Variants in SCMH1 observed in about 807,000 individuals in gnomAD.
SCMH1 encodes the protein Scm polycomb group protein homolog 1, also known as polycomb protein SCMH1.
A neutral mutation model predicts 70.8 loss-of-function variants in SCMH1; 37 were observed. The observed-to-expected ratio is 0.52, with a 90% CI of 0.40 to 0.69. The LOEUF (loss-of-function observed/expected upper bound fraction) is 0.69, where lower values mean the gene tolerates loss of function less well. SCMH1 is among the 30% of genes least tolerant of loss of function. SCMH1 has a pLI of 0.00. For missense variants in SCMH1, 607 were observed against 827.3 expected, an observed-to-expected ratio of 0.73 and a Z score of 3.27; for synonymous variants, 292 against 307.4, an observed-to-expected ratio of 0.95 and a Z score of 0.52.
intron 12 of SCMH1, 38 bp from the exon 13 acceptor site, chr1:41,037,579 A>G (rs752438428): frequency 6.3e-7 from 1 of 1,586,292 alleles, no homozygotes; most frequent in Non-Finnish European, 8.6e-7. Context: ...GCTTAGAAGG[A>G]CTGCCAGAGT....
intron 4 of SCMH1, among the ~76,000 whole-genome samples, chr1:41,157,627 G>T (rs147304398): frequency 6.6e-6 from 1 of 152,282 alleles, no homozygotes; most frequent in Admixed American, 6.5e-5. Context: ...TCTGGATTTG[G>T]GAGGCTTCAC....
chr1:41,038,819 G>A (rs2148596325), intron 12 of SCMH1, among the ~76,000 whole-genome samples: 3 of 152,264 alleles, frequency 2.0e-5, no homozygotes, highest in Admixed American at 2.0e-4. Context: ...TTTGAGACAT[G>A]AATGGGAATC....
intron 8 of SCMH1, 128 bp from the exon 9 acceptor site, chr1:41,075,579 G>T: frequency 1.4e-6 from 1 of 692,150 alleles, no homozygotes; most frequent in Non-Finnish European, 2.4e-6. Flanking sequence ...CCTGGCATTT[G>T]ACCTAAATGT....
At chr1:41,156,915 C>T (rs575472205) in intron 4 of SCMH1, among the ~76,000 whole-genome samples, 8 of 151,370 alleles carry the variant, frequency 5.3e-5, no homozygotes, top group African/African-American at 1.5e-4. Context: ...CTTCCTGCCT[C>T]GGACTCCCAA....
chr1:41,209,647 C>A (rs1428887305), intron 1 of SCMH1, among the ~76,000 whole-genome samples: 1 of 152,202 alleles, frequency 6.6e-6, no homozygotes, highest in Non-Finnish European at 1.5e-5. Context: ...GCAGAAAAGG[C>A]CTTTGACAAA....
Position 41,213,893 on chromosome 1 carries a change from T to A in SCMH1, c.-117-27643A>T, listed in dbSNP as rs558769097. Among the ~76,000 whole-genome samples the A allele has an allele frequency of 3.7e-3, 558 of 151,722 alleles. 3 individuals carry two copies. Among genetic ancestry groups the A allele is most frequent in the African/African-American group, 9.4e-3 (388 of 41,360 alleles). The stretch of plus-strand genomic sequence containing the variant: ...CCCTATAATTGCTTACATTTTTTTT[T>A]AAAAAAAACCTTTAAATTATTTCAG... On this transcript the variant is annotated intron_variant, in intron 1 of 14. Transcript: ENST00000337495.
chr1:41,087,889 T>C (rs6662279), intron 8 of SCMH1, among the ~76,000 whole-genome samples: 97,852 of 150,832 alleles, frequency 0.65, 33,279 homozygotes, highest in African/African-American at 0.86. Flanking sequence ...TTACATATTA[T>C]TGTACAATAT....
intron 2 of SCMH1, among the ~76,000 whole-genome samples, chr1:41,185,100 T>C (rs762715926): frequency 1.3e-5 from 2 of 152,220 alleles, no homozygotes; most frequent in Non-Finnish European, 2.9e-5. Flanking sequence ...AAATTCCATT[T>C]CCAACTTACT....
At position 41,127,908 on chromosome 1, in the gene SCMH1, T is replaced by A. The variant is rs541649858; in HGVS notation, c.413-10898A>T. Among the ~76,000 whole-genome samples, 10 of 152,214 alleles carry A rather than the reference T, an allele frequency of 6.6e-5. No homozygotes were observed. In the East Asian group the frequency reaches 1.9e-3, roughly 29 times the overall value. ...AAATCAACCCCTGCCAGAACCTTGA[T>A]CTTGGACTTTCCAGTCTTTAGAACT... On this transcript the variant is annotated intron_variant, in intron 6 of 14. Coordinates refer to ENST00000337495, the Ensembl canonical transcript of SCMH1.
intron 13 of SCMH1, among the ~76,000 whole-genome samples, chr1:41,031,353 T>TA (rs1451962391): frequency 7.2e-5 from 11 of 152,110 alleles, no homozygotes; most frequent in East Asian, 5.8e-4. Flanking sequence ...ACACACCTGT[T>TA]AAAGTAAAAG....
chr1:41,182,423 C>T (rs1649053686), intron 2 of SCMH1, among the ~76,000 whole-genome samples: 1 of 152,118 alleles, frequency 6.6e-6, no homozygotes, highest in African/African-American at 2.4e-5. Flanking sequence ...GGCAGAAAGG[C>T]ATCAAATAGT....
intron 8 of SCMH1, among the ~76,000 whole-genome samples, chr1:41,105,534 A>G (rs1667676961): frequency 6.6e-6 from 1 of 152,242 alleles, no homozygotes; most frequent in South Asian, 2.1e-4. Flanking sequence ...GACATGACAG[A>G]AAGAAGAATT....
At chr1:41,146,955 T>G (rs1003735588) in intron 5 of SCMH1, among the ~76,000 whole-genome samples, 3 of 152,098 alleles carry the variant, frequency 2.0e-5, no homozygotes, top group African/African-American at 7.2e-5. Context: ...TATAAATTTT[T>G]CGTATTTGTT....
intron 1 of SCMH1, among the ~76,000 whole-genome samples, chr1:41,203,071 T>A (rs1276675560): frequency 6.6e-6 from 1 of 152,102 alleles, no homozygotes; most frequent in Non-Finnish European, 1.5e-5. Flanking sequence ...TGCATTTTAT[T>A]TAACCCAGTA....
intron 6 of SCMH1, among the ~76,000 whole-genome samples, chr1:41,134,962 C>T (rs547254833): frequency 6.6e-6 from 1 of 151,944 alleles, no homozygotes; most frequent in East Asian, 1.9e-4. Flanking sequence ...TATTCCTTAG[C>T]TTTTTTAATA....
At chr1:41,186,440 A>G (rs758699336) in intron 1 of SCMH1, among the ~76,000 whole-genome samples, 190 bp from the exon 2 acceptor site, 2 of 152,234 alleles carry the variant, frequency 1.3e-5, no homozygotes, top group African/African-American at 4.8e-5. Flanking sequence ...AATTTAATTA[A>G]GCCTCTATAT....
At chr1:41,154,680 G>A (rs1249696451) in intron 4 of SCMH1, among the ~76,000 whole-genome samples, 1 of 152,156 alleles carries the variant, frequency 6.6e-6, no homozygotes. Flanking sequence ...TGCAGAACAT[G>A]AAAATCTCAT....
intron 8 of SCMH1, among the ~76,000 whole-genome samples, chr1:41,094,056 G>A (rs764553483): frequency 1.3e-5 from 2 of 152,106 alleles, no homozygotes; most frequent in Non-Finnish European, 2.9e-5. Flanking sequence ...TTATACAAGC[G>A]TTTTTTCTTC....
chr1:41,081,768 C>T (rs1002427668), intron 8 of SCMH1, among the ~76,000 whole-genome samples: 2 of 151,520 alleles, frequency 1.3e-5, no homozygotes, highest in African/African-American at 4.9e-5. Context: ...TGCACTGAAC[C>T]ATGATGGTGT....
Sources: allele counts gnomAD v4.1 joint callset (sites outside exome capture counted in the v4.1 genomes callset), GRCh38; gene constraint gnomAD v4.1.1; transcripts MANE v1.5; gene names NCBI Gene and HGNC (gene_info 2026-07-23, HGNC 2026-07-21).